The following DYNLL1 variants were observed in gnomAD, a reference collection of about 807,000 sequenced individuals.
DYNLL1 encodes dynein light chain LC8-type 1.
Under a neutral mutation model 10.1 loss-of-function variants are expected in DYNLL1, and 3 were observed. The ratio of observed to expected loss-of-function variants is 0.30; its 90% CI spans 0.14 to 0.77. DYNLL1 has a LOEUF of 0.77. Among genes scored for constraint, DYNLL1 ranks in the 30% least tolerant of loss-of-function variants. The pLI is 0.66. For missense variants in DYNLL1, 47 were observed against 111.7 expected, an observed-to-expected ratio of 0.42 and a Z score of 2.61; for synonymous variants, 46 against 41.2, an observed-to-expected ratio of 1.12 and a Z score of -0.45.
chr12:120,483,964 G>C (rs534057992), intron 1 of DYNLL1, among the ~76,000 whole-genome samples: 6 of 152,052 alleles, frequency 3.9e-5, no homozygotes, highest in Non-Finnish European at 8.8e-5. Flanking sequence ...ACTGAGAATT[G>C]GCCACTGTGT....
upstream of DYNLL1, among the ~76,000 whole-genome samples, chr12:120,492,334 G>A (rs544182619): frequency 2.0e-5 from 3 of 152,244 alleles, no homozygotes; most frequent in Admixed American, 6.5e-5. This position sits in a 1 kb window ranked among gnomAD's most constrained non-coding sequence, Gnocchi z 4.1. Context: ...AGGAACCTAC[G>A]AGGTGGGTGG....
intron 1 of DYNLL1, among the ~76,000 whole-genome samples, chr12:120,489,779 T>C (rs1318125195): frequency 7.4e-6 from 1 of 135,510 alleles, no homozygotes; most frequent in African/African-American, 2.8e-5. Flanking sequence ...GTGGAGTCTC[T>C]CTCTGTCACC....
chr12:120,493,534 G>A (rs981732872), upstream of DYNLL1, among the ~76,000 whole-genome samples: 1 of 151,400 alleles, frequency 6.6e-6, no homozygotes, highest in Non-Finnish European at 1.5e-5. Flanking sequence ...AAAATAAAAA[G>A]TATACTTATT....
At chr12:120,478,429 A>G (rs907454452) in intron 1 of DYNLL1, among the ~76,000 whole-genome samples, 21 of 149,512 alleles carry the variant, frequency 1.4e-4, no homozygotes, top group African/African-American at 4.9e-4. Flanking sequence ...TTTTTTAAAT[A>G]GAGACAGGGT....
rs929870421 is a variant in DYNLL1 at position 120,489,897 on chromosome 12, G to A, written c.-6-6519G>A. Among the ~76,000 whole-genome samples the A allele has an allele frequency of 1.4e-4, 22 of 152,194 alleles. No homozygotes were observed. In the South Asian group the frequency reaches 1.7e-3, roughly 11 times the overall value. On this transcript the variant is annotated intron_variant, in intron 1 of 2. Transcript: ENST00000392509. ...CAAGTAGCTGGGACTACAGGTGCAC[G>A]CTGCCACGCCCAGCTAATTTTTTGT...
chr12:120,481,054 C>T (rs962399470), intron 1 of DYNLL1, among the ~76,000 whole-genome samples: 1 of 152,076 alleles, frequency 6.6e-6, no homozygotes. Context: ...CCACCATGCC[C>T]GGCTCACATA....
intron 1 of DYNLL1, among the ~76,000 whole-genome samples, chr12:120,473,049 G>C (rs1209394471): frequency 6.6e-6 from 1 of 152,112 alleles, no homozygotes; most frequent in East Asian, 1.9e-4. Flanking sequence ...GAGGCCCAGG[G>C]CATGCAATAA....
At chr12:120,485,751 G>A (rs1327112738) in intron 1 of DYNLL1, among the ~76,000 whole-genome samples, 5 of 149,848 alleles carry the variant, frequency 3.3e-5, no homozygotes, top group African/African-American at 4.9e-5. Flanking sequence ...AGGGGCAGTC[G>A]GATCCCTTGA....
chr12:120,493,483 T>G (rs1326206071), upstream of DYNLL1, among the ~76,000 whole-genome samples: 1 of 151,720 alleles, frequency 6.6e-6, no homozygotes, highest in African/African-American at 2.4e-5. Context: ...TGCACTCCAG[T>G]CTGGGCGACA....
chr12:120,494,345 C>T (rs1404445111), upstream of DYNLL1, among the ~76,000 whole-genome samples: 2 of 149,748 alleles, frequency 1.3e-5, no homozygotes, highest in Admixed American at 1.3e-4. Context: ...GGCGCGATCT[C>T]GGCTCACTAC....
At chr12:120,479,035 G>T (rs534141657) in intron 1 of DYNLL1, among the ~76,000 whole-genome samples, 1 of 147,546 alleles carries the variant, frequency 6.8e-6, no homozygotes, top group African/African-American at 2.5e-5. Flanking sequence ...ATGGTGGCAG[G>T]TGCCTGTAAT....
chr12:120,485,355 C>G (rs973522766), intron 1 of DYNLL1, among the ~76,000 whole-genome samples: 2 of 142,854 alleles, frequency 1.4e-5, no homozygotes, highest in Admixed American at 7.6e-5. Flanking sequence ...CTCCTAGGTT[C>G]AAGCAATTCT....
At chr12:120,470,940 G>T (rs1878635382) in intron 1 of DYNLL1, among the ~76,000 whole-genome samples, 1 of 152,112 alleles carries the variant, frequency 6.6e-6, no homozygotes, top group Admixed American at 6.5e-5. Flanking sequence ...AGTTACGCGG[G>T]AGGCTGAGGC....
At chr12:120,496,791 A>G (rs1868432556) in intron 2 of DYNLL1, 1 of 613,634 alleles carries the variant, frequency 1.6e-6, no homozygotes, top group Non-Finnish European at 2.8e-6. Context: ...GGAAAGCGCC[A>G]CCTAGCAACG....
Position 120,483,879 on chromosome 12 carries a change from A to G in DYNLL1, c.-6-12537A>G, listed in dbSNP as rs1200153661. Reference sequence around the variant, plus strand: ...CCAGTGAGATGGGAGGACAGCTAAGAGAGTGTGTGGTCCTGGAAGCCAAGG... The same window carrying G: ...CCAGTGAGATGGGAGGACAGCTAAGGGAGTGTGTGGTCCTGGAAGCCAAGG... On this transcript the variant is annotated intron_variant, in intron 1 of 2. Coordinates refer to the DYNLL1 transcript ENST00000392509. Among the ~76,000 whole-genome samples, 3 of 152,064 alleles carry G rather than the reference A, an allele frequency of 2.0e-5. No homozygotes were observed. In the East Asian group the frequency reaches 5.8e-4, roughly 29 times the overall value.
At chr12:120,478,044 G>A (rs990563355) in intron 1 of DYNLL1, among the ~76,000 whole-genome samples, 4 of 151,592 alleles carry the variant, frequency 2.6e-5, no homozygotes, top group African/African-American at 4.8e-5. Context: ...CACCCATGTC[G>A]GCCTCCCAAA....
chr12:120,488,153 T>C (rs1879038232), intron 1 of DYNLL1: 1 of 152,144 alleles, frequency 6.6e-6, no homozygotes, highest in African/African-American at 2.4e-5. Flanking sequence ...CCACGTGTCT[T>C]AACCAGACTT....
At chr12:120,485,756 C>T (rs1418816793) in intron 1 of DYNLL1, among the ~76,000 whole-genome samples, 1 of 148,900 alleles carries the variant, frequency 6.7e-6, no homozygotes, top group Non-Finnish European at 1.5e-5. Flanking sequence ...CAGTCGGATC[C>T]CTTGAGCCTG....
chr12:120,487,362 G>A (rs1879021675), intron 1 of DYNLL1, among the ~76,000 whole-genome samples: 2 of 115,132 alleles, frequency 1.7e-5, no homozygotes, highest in Non-Finnish European at 1.6e-5. Flanking sequence ...GCGCGATCTC[G>A]GCTCATTACA....
Sources: allele counts gnomAD v4.1 joint callset (sites outside exome capture counted in the v4.1 genomes callset), GRCh38; gene constraint gnomAD v4.1.1; non-coding constraint Gnocchi (gnomAD v3.1); transcripts MANE v1.5; gene names NCBI Gene and HGNC (gene_info 2026-07-23, HGNC 2026-07-21).